SLC8A1: variants seen among roughly 807,000 people sequenced by gnomAD.
The protein encoded by SLC8A1 is solute carrier family 8 member A1, also known as sodium/calcium exchanger 1.
A neutral mutation model predicts 68.3 loss-of-function variants in SLC8A1; 18 were observed. That is an observed-to-expected ratio of 0.26 (90% CI 0.18 to 0.39). The LOEUF (loss-of-function observed/expected upper bound fraction) is 0.39, where lower values mean the gene tolerates loss of function less well. Ranked by LOEUF, SLC8A1 falls within the 10% of genes least tolerant of loss-of-function variation. The pLI, the probability that SLC8A1 is intolerant of heterozygous loss-of-function variation, is 1.00. For synonymous variants in SLC8A1, 475 were observed against 415.5 expected (o/e 1.14, Z -1.74); for missense variants, 985 against 1,156.7 (o/e 0.85, Z 2.15).
intron 2 of SLC8A1, chr2:40,337,366 C>A: frequency 3.0e-6 from 1 of 330,044 alleles, no homozygotes; most frequent in Non-Finnish European, 6.9e-6. Flanking sequence ...CTCAGTCGTA[C>A]AGAGTAGTTT....
At chr2:40,166,501 G>T (rs1267242158) in intron 4 of SLC8A1, among the ~76,000 whole-genome samples, 2 of 152,130 alleles carry the variant, frequency 1.3e-5, no homozygotes, top group Non-Finnish European at 2.9e-5. Flanking sequence ...TTTTGGACTG[G>T]CCAGAAGCTG....
At chr2:40,332,118 A>G (rs770695535) in intron 2 of SLC8A1, among the ~76,000 whole-genome samples, 23 of 152,028 alleles carry the variant, frequency 1.5e-4, no homozygotes, top group Admixed American at 2.6e-4. Flanking sequence ...CCTGGCAGTG[A>G]GTTTTCTAAA....
At chr2:40,422,829 A>G (rs1695883245) in intron 2 of SLC8A1, among the ~76,000 whole-genome samples, 1 of 152,088 alleles carries the variant, frequency 6.6e-6, no homozygotes, top group Non-Finnish European at 1.5e-5. Context: ...CAAGCACATA[A>G]CCTTTTATTT....
chr2:40,313,254 A>T (rs181237921), intron 2 of SLC8A1, among the ~76,000 whole-genome samples: 1 of 152,120 alleles, frequency 6.6e-6, no homozygotes, highest in African/African-American at 2.4e-5. Flanking sequence ...AGAGTCATCC[A>T]TGTTGTGTGA....
intron 1 of SLC8A1, among the ~76,000 whole-genome samples, chr2:40,450,073 C>T (rs1052483135): frequency 4.6e-5 from 7 of 152,216 alleles, no homozygotes; most frequent in Admixed American, 1.3e-4. Context: ...TAAGTTGGTC[C>T]TCCCCCACCT....
At chr2:40,161,379 T>C (rs2045655313) in intron 5 of SLC8A1, among the ~76,000 whole-genome samples, 1 of 152,202 alleles carries the variant, frequency 6.6e-6, no homozygotes, top group Non-Finnish European at 1.5e-5. Context: ...TAAATGGATT[T>C]GTCTCTGGGT....
chr2:40,164,635 C>T (rs1349945219), intron 5 of SLC8A1, among the ~76,000 whole-genome samples: 2 of 152,146 alleles, frequency 1.3e-5, no homozygotes, highest in African/African-American at 4.8e-5. Flanking sequence ...ATGTCTCCTG[C>T]TGGGCCCTGG....
chr2:40,126,385 A>G (rs1468178415), intron 7 of SLC8A1, among the ~76,000 whole-genome samples: 1 of 152,208 alleles, frequency 6.6e-6, no homozygotes, highest in African/African-American at 2.4e-5. Flanking sequence ...TACTGTGATC[A>G]TTTGTTGGAT....
chr2:40,299,132 T>C (rs2070961793), intron 2 of SLC8A1, among the ~76,000 whole-genome samples: 1 of 152,140 alleles, frequency 6.6e-6, no homozygotes, highest in African/African-American at 2.4e-5. Context: ...TTGGCAAGTG[T>C]CGCACACCCC....
intron 2 of SLC8A1, among the ~76,000 whole-genome samples, chr2:40,185,136 T>G (rs2050470116): frequency 6.6e-6 from 1 of 152,126 alleles, no homozygotes; most frequent in Non-Finnish European, 1.5e-5. Context: ...GTAGAGAAAT[T>G]GGAACCCTCA....
chr2:40,455,767 C>T (rs947765843), upstream of SLC8A1, among the ~76,000 whole-genome samples: 1 of 152,148 alleles, frequency 6.6e-6, no homozygotes, highest in South Asian at 2.1e-4. Context: ...GAGACTTGTT[C>T]CTGCAGTTAA....
At position 40,259,658 on chromosome 2, in the gene SLC8A1, TAA is replaced by T. The variant is rs372580767; in HGVS notation, c.1809-81805_1809-81804del. Reference sequence around the variant, plus strand: ...AACCCCATCTCAATCTTTATACCCATAAGAGAACCTTTTCTTAGAAGCCTCTT... The same window carrying T: ...AACCCCATCTCAATCTTTATACCCATGAGAACCTTTTCTTAGAAGCCTCTT... On this transcript the variant is annotated intron_variant, in intron 2 of 7. Coordinates refer to ENST00000406785, the Ensembl canonical transcript of SLC8A1. Among the ~76,000 whole-genome samples, 880 of 152,248 alleles carry T rather than the reference TAA, an allele frequency of 5.8e-3. 10 individuals carry two copies. Among genetic ancestry groups the T allele is most frequent in the African/African-American group, 0.02 (831 of 41,536 alleles).
chr2:40,488,217 T>A (rs1705091588), intron 1 of SLC8A1, among the ~76,000 whole-genome samples: 1 of 137,100 alleles, frequency 7.3e-6, no homozygotes, highest in African/African-American at 2.9e-5. Context: ...GGACACCTTC[T>A]GTAGACAGAA....
chr2:40,476,925 T>C (rs1426254444), intron 1 of SLC8A1, among the ~76,000 whole-genome samples: 1 of 152,202 alleles, frequency 6.6e-6, no homozygotes, highest in African/African-American at 2.4e-5. Flanking sequence ...TCAAATTTAA[T>C]GCCTACTGCA....
At chr2:40,223,670 A>G (rs1281899965) in intron 2 of SLC8A1, 1 of 152,050 alleles carries the variant, frequency 6.6e-6, no homozygotes, top group Non-Finnish European at 1.5e-5. Context: ...CCAATTTGCA[A>G]CTAGGCTCTC....
intron 1 of SLC8A1, among the ~76,000 whole-genome samples, chr2:40,472,294 T>C (rs1704032709): frequency 6.6e-6 from 1 of 152,282 alleles, no homozygotes; most frequent in East Asian, 1.9e-4. Context: ...CTTCGTAAAA[T>C]TGCCCCTTTT....
At chr2:40,363,842 C>G (rs552467271) in intron 2 of SLC8A1, among the ~76,000 whole-genome samples, 2 of 152,090 alleles carry the variant, frequency 1.3e-5, no homozygotes, top group South Asian at 4.1e-4. Context: ...CTGATTGACT[C>G]TGAACAGTCA....
chr2:40,392,086 AAT>A (rs1330424179), intron 2 of SLC8A1, among the ~76,000 whole-genome samples: 6 of 138,000 alleles, frequency 4.3e-5, no homozygotes, highest in Admixed American at 7.4e-5. Context: ...GAAGGAGAAA[AAT>A]AAAAAAGAAA....
rs1288902320 is a variant in SLC8A1, at chr2:40,224,710, T to C, written c.1809-46855A>G. On this transcript the variant is annotated intron_variant, in intron 2 of 7. Coordinates refer to ENST00000406785, the Ensembl canonical transcript of SLC8A1. ...AGTGATTCTGAATTATTATCAGGCA[T>C]AAAATTTGCTTATTTTTTACAACTC... 4.6e-5 allele frequency among the ~76,000 whole-genome samples: 7 copies of C among 152,190 alleles called. No individual in the cohort carries two copies. In the East Asian group the frequency reaches 1.2e-3, roughly 25 times the overall value.
Sources: allele counts gnomAD v4.1 joint callset (sites outside exome capture counted in the v4.1 genomes callset), GRCh38; gene constraint gnomAD v4.1.1; transcripts MANE v1.5; gene names NCBI Gene and HGNC (gene_info 2026-07-23, HGNC 2026-07-21).